The following GALNTL6 variants were observed in gnomAD, a reference collection of about 807,000 sequenced individuals.
The protein encoded by GALNTL6 is polypeptide N-acetylgalactosaminyltransferase-like 6.
Under a neutral mutation model 73.7 loss-of-function variants are expected in GALNTL6, and 46 were observed. The ratio of observed to expected loss-of-function variants is 0.62; its 90% CI spans 0.49 to 0.80. The LOEUF (loss-of-function observed/expected upper bound fraction) is 0.80, where lower values mean the gene tolerates loss of function less well. GALNTL6 is among the 30% of genes least tolerant of loss of function. The pLI is 0.00. For missense variants in GALNTL6, 604 were observed against 755.0 expected (o/e 0.80, Z 2.34); for synonymous variants, 259 against 263.7 (o/e 0.98, Z 0.17).
intron 9 of GALNTL6, among the ~76,000 whole-genome samples, chr4:172,939,690 C>A (rs1748819683): frequency 6.6e-6 from 1 of 152,116 alleles, no homozygotes; most frequent in Non-Finnish European, 1.5e-5. Context: ...TTGGGGCATC[C>A]CCTGCACTGG....
chr4:172,689,253 A>G (rs1733117765), intron 5 of GALNTL6, among the ~76,000 whole-genome samples: 1 of 152,192 alleles, frequency 6.6e-6, no homozygotes, highest in Non-Finnish European at 1.5e-5. Flanking sequence ...TGAAAAAGGT[A>G]GACTGTACAA....
chr4:172,521,940 C>T (rs979779136), intron 5 of GALNTL6, among the ~76,000 whole-genome samples: 4 of 152,096 alleles, frequency 2.6e-5, no homozygotes, highest in South Asian at 2.1e-4. Context: ...TTGTGTGCTA[C>T]GTAACTTGAT....
chr4:172,163,003 T>C (rs1308566162), intron 2 of GALNTL6, among the ~76,000 whole-genome samples: 1 of 151,980 alleles, frequency 6.6e-6, no homozygotes, highest in Non-Finnish European at 1.5e-5. Flanking sequence ...TTAGAAGACA[T>C]GTCTGGCAGC....
intron 5 of GALNTL6, among the ~76,000 whole-genome samples, chr4:172,429,223 A>ATTTTATTTTAT (rs1561079066): frequency 2.0e-5 from 3 of 147,158 alleles, no homozygotes; most frequent in African/African-American, 2.5e-5. Context: ...ATTTTATTTT[A>ATTTTATTTTAT]TTTTTTGAGA....
chr4:171,946,969 T>G (rs1738720627), intron 2 of GALNTL6, among the ~76,000 whole-genome samples: 1 of 152,126 alleles, frequency 6.6e-6, no homozygotes, highest in South Asian at 2.1e-4. Flanking sequence ...TTGTTTCTAT[T>G]TAAAGATTGC....
At chr4:171,997,284 C>A (rs556421977) in intron 2 of GALNTL6, among the ~76,000 whole-genome samples, 1 of 152,198 alleles carries the variant, frequency 6.6e-6, no homozygotes, top group African/African-American at 2.4e-5. Context: ...TTTACCACTT[C>A]TTGGATTCCA....
intron 7 of GALNTL6, among the ~76,000 whole-genome samples, chr4:172,876,093 T>G (rs183575809): frequency 1.4e-4 from 22 of 152,350 alleles, no homozygotes; most frequent in Admixed American, 1.2e-3. Context: ...ATATAATTGG[T>G]ACTGACATAC....
intron 2 of GALNTL6, among the ~76,000 whole-genome samples, chr4:172,005,094 T>A (rs1740796118): frequency 6.9e-6 from 1 of 145,508 alleles, no homozygotes; most frequent in Non-Finnish European, 1.5e-5. Context: ...AAATAGCTTC[T>A]CTTAAAAAGC....
At chr4:173,002,087 A>C (rs1752067972) in intron 10 of GALNTL6, among the ~76,000 whole-genome samples, 1 of 152,226 alleles carries the variant, frequency 6.6e-6, no homozygotes, top group South Asian at 2.1e-4. Context: ...AGCATTATTC[A>C]CAGTAGCCAA....
chr4:172,665,301 C>T (rs923441998), intron 5 of GALNTL6, among the ~76,000 whole-genome samples: 5 of 152,200 alleles, frequency 3.3e-5, no homozygotes, highest in Non-Finnish European at 7.3e-5. Context: ...ATGGATATTT[C>T]ATGCCATTGC....
chr4:172,916,568 T>A (rs1333695620), intron 8 of GALNTL6, among the ~76,000 whole-genome samples: 2 of 152,160 alleles, frequency 1.3e-5, no homozygotes, highest in Non-Finnish European at 2.9e-5. Flanking sequence ...ACAAAATCAA[T>A]GTGCAAAAAT....
At chr4:171,984,701 G>A (rs1233445856) in intron 2 of GALNTL6, among the ~76,000 whole-genome samples, 1 of 152,158 alleles carries the variant, frequency 6.6e-6, no homozygotes. Context: ...GGGGAAAGGA[G>A]GAAAGAGGAG....
chr4:172,411,485 G>A (rs1744434216), intron 5 of GALNTL6, among the ~76,000 whole-genome samples: 1 of 152,008 alleles, frequency 6.6e-6, no homozygotes. Context: ...TGATAATTGT[G>A]ACTAAGTTTC....
At chr4:172,358,733 C>G (rs572759657) in intron 5 of GALNTL6, among the ~76,000 whole-genome samples, 1 of 151,614 alleles carries the variant, frequency 6.6e-6, no homozygotes, top group East Asian at 1.9e-4. Flanking sequence ...AATAACTGCC[C>G]AAGACTGCGG....
intron 5 of GALNTL6, among the ~76,000 whole-genome samples, chr4:172,497,964 T>C (rs1734120951): frequency 6.6e-6 from 1 of 150,378 alleles, no homozygotes; most frequent in African/African-American, 2.4e-5. Flanking sequence ...TTATCAAGAG[T>C]AACAGACTTT....
At chr4:172,690,565 G>C (rs1646161563) in intron 5 of GALNTL6, among the ~76,000 whole-genome samples, 1 of 152,164 alleles carries the variant, frequency 6.6e-6, no homozygotes, top group Non-Finnish European at 1.5e-5. Context: ...AACTCAAAGA[G>C]TGAAATCACT....
intron 7 of GALNTL6, among the ~76,000 whole-genome samples, chr4:172,866,733 G>A (rs147514888): frequency 5.5e-4 from 84 of 152,202 alleles, no homozygotes; most frequent in South Asian, 3.9e-3. Context: ...ATGCTGCTGC[G>A]CTGTCTGAAT....
intron 5 of GALNTL6, among the ~76,000 whole-genome samples, chr4:172,799,161 G>A (rs1740457986): frequency 6.6e-6 from 1 of 152,190 alleles, no homozygotes; most frequent in South Asian, 2.1e-4. Context: ...GTCACTAGAT[G>A]CAAAGAGCAG....
chr4:172,626,262 T>C (rs1413801518), intron 5 of GALNTL6, among the ~76,000 whole-genome samples: 3 of 152,140 alleles, frequency 2.0e-5, no homozygotes, highest in East Asian at 1.9e-4. Flanking sequence ...CAGCAACATA[T>C]ATTGAATAGA....
Sources: gnomAD v4.1 joint callset for allele counts (sites outside exome capture counted in the v4.1 genomes callset) on GRCh38, gnomAD v4.1.1 for gene constraint, MANE v1.5 for transcripts, NCBI Gene and HGNC (gene_info 2026-07-23, HGNC 2026-07-21) for gene names.